Variants in GALNT13 observed in about 807,000 individuals in gnomAD.
The protein encoded by GALNT13 is UDP-GalNAc:polypeptide N-acetylgalactosaminyltransferase 13.
GALNT13 carries 28 observed loss-of-function variants against 64.2 expected under a neutral mutation model. The observed-to-expected ratio is 0.44, with a 90% CI of 0.32 to 0.60. The LOEUF is 0.60. Among genes scored for constraint, GALNT13 ranks in the 20% least tolerant of loss-of-function variants. The pLI, the probability that GALNT13 is intolerant of heterozygous loss-of-function variation, is 0.05. For synonymous variants in GALNT13, 214 were observed against 224.6 expected (o/e 0.95, Z 0.42); for missense variants, 577 against 669.8 (o/e 0.86, Z 1.53).
the GALNT13 span, among the ~76,000 whole-genome samples, chr2:153,778,204 G>A: frequency 3.3e-5 from 5 of 152,152 alleles, no homozygotes; most frequent in Non-Finnish European, 7.4e-5. Flanking sequence ...GTGTTCCTCT[G>A]CTGGTGTGCT....
the GALNT13 span, among the ~76,000 whole-genome samples, chr2:153,091,195 C>T: frequency 2.0e-5 from 3 of 152,040 alleles, no homozygotes; most frequent in African/African-American, 4.8e-5. Flanking sequence ...CCCTATGACT[C>T]CCCCTTCCCA....
intron 11 of GALNT13, among the ~76,000 whole-genome samples, chr2:154,417,416 T>C (rs1407615225): frequency 6.6e-6 from 1 of 151,710 alleles, no homozygotes; most frequent in Non-Finnish European, 1.5e-5. Context: ...TTGTAAAAAA[T>C]TGTTATTGTT....
chr2:154,337,788 C>G (rs1431914114), intron 9 of GALNT13, among the ~76,000 whole-genome samples: 1 of 151,640 alleles, frequency 6.6e-6, no homozygotes, highest in East Asian at 1.9e-4. Context: ...TTTATGCATA[C>G]ATAAAGACCA....
the GALNT13 span, among the ~76,000 whole-genome samples, chr2:153,610,223 A>G: frequency 2.6e-5 from 4 of 152,212 alleles, no homozygotes; most frequent in East Asian, 1.9e-4. Context: ...CAAACAACAA[A>G]CTATCATATT....
the GALNT13 span, among the ~76,000 whole-genome samples, chr2:153,676,314 G>A: frequency 1.3e-5 from 2 of 152,018 alleles, no homozygotes; most frequent in Non-Finnish European, 1.5e-5. Flanking sequence ...ATTGAACCAG[G>A]AAGAAATTGA....
the GALNT13 span, among the ~76,000 whole-genome samples, chr2:153,242,393 A>C: frequency 1.6e-3 from 249 of 152,298 alleles, 7 homozygotes; most frequent in East Asian, 0.043. Flanking sequence ...AAGGAAAAGG[A>C]AAAGGAAGGG....
At position 154,301,805 on chromosome 2, in the gene GALNT13, T is replaced by C. The variant is rs975674491; in HGVS notation, c.1156+216T>C. 3.9e-5 allele frequency among the ~76,000 whole-genome samples: 6 copies of C among 152,206 alleles called. No individual in the cohort carries two copies. The South Asian group carries it at 1.0e-3, about 26-fold the overall frequency. On this transcript the variant is annotated intron_variant, in intron 9 of 12. Coordinates refer to ENST00000392825, the MANE Select transcript of GALNT13 (RefSeq NM_052917.4). The stretch of plus-strand genomic sequence containing the variant: ...ACACCTAAATATTATCTTTTTTTTT[T>C]CTCAACCCAAGTGTTATGCTGGAAA...
At chr2:154,107,057 C>G (rs1436345490) in intron 3 of GALNT13, among the ~76,000 whole-genome samples, 1 of 151,766 alleles carries the variant, frequency 6.6e-6, no homozygotes. Context: ...TCTTTTGATT[C>G]TTCTCTTACC....
intron 3 of GALNT13, among the ~76,000 whole-genome samples, chr2:154,106,747 T>A (rs1265113134): frequency 1.3e-5 from 2 of 152,112 alleles, no homozygotes; most frequent in East Asian, 3.9e-4. Context: ...TTACTGTAAA[T>A]TGATAATTTA....
the GALNT13 span, among the ~76,000 whole-genome samples, chr2:153,103,291 T>A: frequency 6.6e-6 from 1 of 152,200 alleles, no homozygotes; most frequent in African/African-American, 2.4e-5. Flanking sequence ...TTGAAGTATG[T>A]CCAGCTCATT....
chr2:153,431,040 C>T, the GALNT13 span, among the ~76,000 whole-genome samples: 10 of 151,722 alleles, frequency 6.6e-5, no homozygotes, highest in South Asian at 2.1e-4. Context: ...ATCTCAGCTA[C>T]TCTAGAGGCT....
At chr2:153,728,385 T>G in the GALNT13 span, among the ~76,000 whole-genome samples, 1 of 152,196 alleles carries the variant, frequency 6.6e-6, no homozygotes, top group African/African-American at 2.4e-5. Flanking sequence ...TTCCTATTTC[T>G]CAACATCCTC....
At chr2:154,399,185 A>C (rs1699186430) in intron 10 of GALNT13, among the ~76,000 whole-genome samples, 2 of 152,172 alleles carry the variant, frequency 1.3e-5, no homozygotes, top group South Asian at 4.1e-4. Flanking sequence ...CAAGTGGCTG[A>C]GGCAGTAGTA....
chr2:154,421,230 A>G (rs1259488252), intron 11 of GALNT13, among the ~76,000 whole-genome samples: 1 of 152,114 alleles, frequency 6.6e-6, no homozygotes, highest in Non-Finnish European at 1.5e-5. Flanking sequence ...CACAAAATAC[A>G]TTTTATATTC....
the GALNT13 span, among the ~76,000 whole-genome samples, chr2:153,796,033 TAG>T: frequency 2.0e-5 from 3 of 152,236 alleles, no homozygotes; most frequent in Admixed American, 2.0e-4. Context: ...CTGCACCCTG[TAG>T]AGTGTTCTTA....
chr2:154,219,540 T>C (rs2105818721), intron 4 of GALNT13, among the ~76,000 whole-genome samples: 1 of 152,230 alleles, frequency 6.6e-6, no homozygotes, highest in Admixed American at 6.6e-5. Context: ...AATAGTATAT[T>C]GTGCATCACT....
At chr2:154,411,674 G>A (rs755445974) in intron 11 of GALNT13, among the ~76,000 whole-genome samples, 16 of 151,640 alleles carry the variant, frequency 1.1e-4, no homozygotes, top group Non-Finnish European at 1.6e-4. Flanking sequence ...TGTATCTGGC[G>A]AGTGGATATC....
chr2:153,206,745 G>A, the GALNT13 span, among the ~76,000 whole-genome samples: 2 of 152,056 alleles, frequency 1.3e-5, no homozygotes, highest in Non-Finnish European at 2.9e-5. Context: ...AAATGGTGAT[G>A]TGATTATGAG....
intron 4 of GALNT13, among the ~76,000 whole-genome samples, chr2:154,184,819 A>G (rs1024036919): frequency 1.3e-5 from 2 of 152,152 alleles, no homozygotes; most frequent in African/African-American, 4.8e-5. Flanking sequence ...TATCATTTAA[A>G]AAGTTATTGC....
Sources: gnomAD v4.1 joint callset for allele counts (sites outside exome capture counted in the v4.1 genomes callset) on GRCh38, gnomAD v4.1.1 for gene constraint, MANE v1.5 for transcripts, NCBI Gene and HGNC (gene_info 2026-07-23, HGNC 2026-07-21) for gene names.